The following TBPL1 variants were observed in gnomAD, a reference collection of about 807,000 sequenced individuals.
TBPL1 encodes TATA box-binding protein-like 1.
In TBPL1, 4 loss-of-function variants were observed where a neutral mutation model predicts 22.1. The ratio of observed to expected loss-of-function variants is 0.18; its 90% confidence interval spans 0.09 to 0.41. The LOEUF is 0.41. TBPL1 is among the 10% of genes least tolerant of loss of function. TBPL1 has a pLI of 1.00. For synonymous variants in TBPL1, 64 were observed against 71.0 expected (o/e 0.90, Z 0.50); for missense variants, 115 against 222.3 (o/e 0.52, Z 3.07).
intron 1 of TBPL1, among the ~76,000 whole-genome samples, chr6:133,962,138 G>A (rs776229588): frequency 6.6e-6 from 1 of 152,174 alleles, no homozygotes; most frequent in Non-Finnish European, 1.5e-5. Context: ...AGAATGTTAA[G>A]GTGTGTTGGA....
intron 3 of TBPL1, 74 bp from the exon 4 acceptor site, chr6:133,982,743 A>G (rs1274659311): frequency 1.1e-5 from 18 of 1,583,846 alleles, no homozygotes; most frequent in Non-Finnish European, 1.5e-5. Flanking sequence ...TCATATGTAA[A>G]GTTTGTTATG....
At chr6:133,980,430 G>A (rs1239547402) in intron 2 of TBPL1, among the ~76,000 whole-genome samples, 170 bp downstream of exon 2, 1 of 152,156 alleles carries the variant, frequency 6.6e-6, no homozygotes, top group Non-Finnish European at 1.5e-5. Flanking sequence ...TCATGGAGGT[G>A]CAAGCTTTTG....
chr6:133,983,693 C>T (rs752951797), intron 4 of TBPL1, among the ~76,000 whole-genome samples: 1 of 152,124 alleles, frequency 6.6e-6, no homozygotes, highest in Non-Finnish European at 1.5e-5. Flanking sequence ...ATAGTTCGCT[C>T]ACCCAAAATT....
chr6:133,987,011 G>C lies in TBPL1; in HGVS notation c.532G>C (p.Val178Leu), dbSNP rs958211348. The change falls in exon 7 of 7, where the codon GTG (valine) becomes CTG (leucine). Residue 178 changes from valine (V) to leucine (L), a missense_variant. Val to Leu is a conservative substitution (Grantham distance 32, BLOSUM62 1). Coordinates refer to ENST00000237264, the MANE Select transcript of TBPL1 (RefSeq NM_004865.4). ...ATAVEQIYPF[V>L]FESRKEIL ...TGCTGTGGAACAGATTTACCCATTTGTGTTTGAAAGCAGGAAAGAAATTTT... is the reference window on the plus strand; with the variant it reads ...TGCTGTGGAACAGATTTACCCATTTCTGTTTGAAAGCAGGAAAGAAATTTT... The C allele has an allele frequency of 5.6e-6, 9 of 1,607,798 alleles. No homozygotes were observed. Among genetic ancestry groups the C allele is most frequent in the Non-Finnish European group, 7.6e-6 (9 of 1,177,254 alleles).
Position 133,965,463 on chromosome 6 carries a change from G to A in TBPL1, c.-45+12038G>A, listed in dbSNP as rs62425802. Among the ~76,000 whole-genome samples, 983 of 152,018 alleles carry A rather than the reference G, an allele frequency of 6.5e-3. 9 individuals carry two copies. Among genetic ancestry groups the A allele is most frequent in the Middle Eastern group, 0.034 (10 of 294 alleles). On this transcript the variant is annotated intron_variant, in intron 1 of 6. Transcript: ENST00000237264. ...TAAAATCTAGCATAATACCTATTTC[G>A]TAACATGTAGTAGATTTGGTCAGTC... is the stretch of plus-strand genomic sequence containing the variant.
intron 5 of TBPL1, 46 bp from the exon 6 acceptor site, chr6:133,984,531 A>G: frequency 6.2e-7 from 1 of 1,608,880 alleles, no homozygotes; most frequent in South Asian, 1.1e-5. Context: ...TGAAATTACT[A>G]GTCAGGGTAT....
At chr6:133,957,330 G>C (rs958322927) in intron 1 of TBPL1, among the ~76,000 whole-genome samples, 4 of 152,126 alleles carry the variant, frequency 2.6e-5, no homozygotes, top group African/African-American at 9.7e-5. Context: ...AAAACCAGAC[G>C]GTGTGTTAAG....
chr6:133,982,545 A>G, intron 2 of TBPL1, 23 bp from the exon 3 acceptor site: 1 of 1,595,426 alleles, frequency 6.3e-7, no homozygotes, highest in Admixed American at 1.7e-5. Flanking sequence ...CTTATGAGGT[A>G]ATCAGATTTT....
intron 1 of TBPL1, among the ~76,000 whole-genome samples, chr6:133,953,817 G>T (rs889529647): frequency 3.0e-4 from 45 of 152,292 alleles, no homozygotes; most frequent in African/African-American, 1.0e-3. Context: ...CAGGGGAAGA[G>T]GGACCGTGCA....
At chr6:133,984,537 G>A (rs1381869747) in intron 5 of TBPL1, 40 bp from the exon 6 acceptor site, 1 of 1,608,382 alleles carries the variant, frequency 6.2e-7, no homozygotes, top group Non-Finnish European at 8.5e-7. Context: ...TACTAGTCAG[G>A]GTATAAATAT....
intron 1 of TBPL1, among the ~76,000 whole-genome samples, chr6:133,976,967 CAA>C (rs537206851): frequency 4.0e-4 from 25 of 62,140 alleles, no homozygotes; most frequent in Admixed American, 3.7e-4. Flanking sequence ...GACTTGGTCT[CAA>C]AAAAAAAAAA....
At chr6:133,960,267 C>T (rs1477027358) in intron 1 of TBPL1, among the ~76,000 whole-genome samples, 1 of 152,172 alleles carries the variant, frequency 6.6e-6, no homozygotes, top group East Asian at 1.9e-4. Context: ...GTGTGCTAAT[C>T]TTAAAGGTAC....
chr6:133,980,549 A>G (rs920162311), intron 2 of TBPL1, among the ~76,000 whole-genome samples: 1 of 152,064 alleles, frequency 6.6e-6, no homozygotes, highest in Non-Finnish European at 1.5e-5. Context: ...ATATTCGCAC[A>G]TGTACCTATT....
At chr6:133,957,789 A>G (rs1775952905) in intron 1 of TBPL1, among the ~76,000 whole-genome samples, 1 of 152,228 alleles carries the variant, frequency 6.6e-6, no homozygotes, top group Admixed American at 6.5e-5. Context: ...TACTACTACT[A>G]CGTTACAGGG....
chr6:133,988,723 TC>T lies in TBPL1; in HGVS notation c.*1685del, dbSNP rs1776574032. 1 of 151,998 alleles carries T rather than the reference TC, an allele frequency of 6.6e-6. No individual in the cohort carries two copies. The highest frequency in any genetic ancestry group is 6.6e-5 in the Admixed American group (1 of 15,154). 9.4% of individuals were successfully genotyped at this position (151,998 alleles called of 1,614,324 possible). A position where few individuals can be genotyped will look rare whatever the true frequency, so the allele number is the denominator to read the frequency against. On this transcript the variant is annotated 3_prime_UTR_variant, in exon 7 of 7. Coordinates refer to ENST00000237264, the MANE Select transcript of TBPL1 (RefSeq NM_004865.4). ...ATTGAGATTTTTAGACTTGTATTTTTCCTTTTTTTTAAAAAAAAAGTGTTTA... is the reference window on the plus strand; with the variant it reads ...ATTGAGATTTTTAGACTTGTATTTTTCTTTTTTTTAAAAAAAAAGTGTTTA...
At chr6:133,965,992 C>CAA (rs1187917194) in intron 1 of TBPL1, among the ~76,000 whole-genome samples, 1 of 152,054 alleles carries the variant, frequency 6.6e-6, no homozygotes, top group Non-Finnish European at 1.5e-5. Flanking sequence ...GTTAACTTAC[C>CAA]CACAGTCATA....
intron 1 of TBPL1, among the ~76,000 whole-genome samples, chr6:133,964,455 GTT>G (rs200531874): frequency 1.4e-5 from 2 of 140,948 alleles, no homozygotes; most frequent in African/African-American, 2.6e-5. Flanking sequence ...GGTTTTTTGG[GTT>G]TTTTTTTTTT....
At position 133,984,641 on chromosome 6, in the gene TBPL1, A is replaced by T; in HGVS notation, c.451A>T (p.Ile151Phe). Residue 151 changes from isoleucine to phenylalanine, a missense_variant, in exon 6 of 7, where the codon ATT becomes TTT. Ile to Phe is a conservative substitution (Grantham distance 21). Coordinates refer to ENST00000237264, the MANE Select transcript of TBPL1 (RefSeq NM_004865.4). ...AAAATCTCTAAGAGCTACATTACAGATTTTTTCAACAGGAAGTATCACAGT... is the reference window on the plus strand; with the variant it reads ...AAAATCTCTAAGAGCTACATTACAGTTTTTTTCAACAGGAAGTATCACAGT... ...RIKSLRATLQ[I>F]FSTGSITVTG... is the part of the protein sequence containing the mutation. 1 of 1,612,704 alleles carries T rather than the reference A, an allele frequency of 6.2e-7. No homozygotes were observed. Among genetic ancestry groups the T allele is most frequent in the Non-Finnish European group, 8.5e-7 (1 of 1,179,786 alleles).
At chr6:133,963,874 CAA>C (rs1232594843) in intron 1 of TBPL1, among the ~76,000 whole-genome samples, 1,201 of 94,416 alleles carry the variant, frequency 0.013, 33 homozygotes, top group Admixed American at 0.096. Context: ...ACTAAAAATA[CAA>C]AAAAAAAAAA....
Sources: allele counts gnomAD v4.1 joint callset (sites outside exome capture counted in the v4.1 genomes callset), GRCh38; gene constraint gnomAD v4.1.1; transcripts MANE v1.5; gene names NCBI Gene and HGNC (gene_info 2026-07-23, HGNC 2026-07-21).